Variants in ANKRD55 observed in about 807,000 individuals in gnomAD.
ANKRD55 encodes the protein ankyrin repeat domain-containing protein 55.
ANKRD55 carries 41 observed loss-of-function variants against 60.6 expected under a neutral mutation model. That is an observed-to-expected ratio of 0.68 (90% CI 0.53 to 0.88). The LOEUF (loss-of-function observed/expected upper bound fraction) is 0.88. Among genes scored for constraint, ANKRD55 ranks in the 40% least tolerant of loss-of-function variants. The probability of loss-of-function intolerance (pLI) is 0.00; values close to 1 mark genes in which losing one functional copy is unlikely to be tolerated. For synonymous variants in ANKRD55, 264 were observed against 290.3 expected (o/e 0.91, Z 0.92); for missense variants, 732 against 767.6 (o/e 0.95, Z 0.55).
Position 56,127,127 on chromosome 5 carries a change from A to G in ANKRD55, c.613-21T>C, listed in dbSNP as rs779114836. 26 of 1,588,476 alleles carry G rather than the reference A, an allele frequency of 1.6e-5. No individual in the cohort carries two copies. In the South Asian group the frequency reaches 3.0e-4, roughly 18 times the overall value. On this transcript the variant is annotated intron_variant, in intron 7 of 11. Coordinates refer to ENST00000341048, the MANE Select transcript of ANKRD55 (RefSeq NM_024669.3). ...CCACTCTGGAAAAGAGAGTCAAAGA[A>G]AGCCCATTATGTACAATCCAGTGTT...
chr5:56,202,666 A>T (rs1300020946), intron 2 of ANKRD55, among the ~76,000 whole-genome samples: 1 of 152,218 alleles, frequency 6.6e-6, no homozygotes, highest in African/African-American at 2.4e-5. Context: ...AAAAGAAGAG[A>T]TTTCATTCTG....
At position 56,117,059 on chromosome 5, in the gene ANKRD55, A is replaced by G. The variant is rs114452801; in HGVS notation, c.798-277T>C. 160 of 273,642 alleles carry G rather than the reference A, an allele frequency of 5.8e-4. 2 individuals carry two copies. Among genetic ancestry groups the G allele is most frequent in the African/African-American group, 3.3e-3 (147 of 45,192 alleles). The allele number at this position is 273,642 out of a possible 1,614,324, so 17.0% of individuals were successfully genotyped here. ...AAGTAGTGGGTCAAAGGGTATGAAC[A>G]GTTTTGAGGTTCTTTATACATAGTG... On this transcript the variant is annotated intron_variant, in intron 8 of 11. Coordinates refer to ENST00000341048, the MANE Select transcript of ANKRD55 (RefSeq NM_024669.3).
intron 3 of ANKRD55, among the ~76,000 whole-genome samples, chr5:56,182,337 A>G (rs1758867276): frequency 6.6e-6 from 1 of 152,270 alleles, no homozygotes; most frequent in African/African-American, 2.4e-5. Flanking sequence ...CAAGTTCATT[A>G]CTTCTTTCCT....
At chr5:56,146,287 A>ATT (rs58370601) in intron 6 of ANKRD55, among the ~76,000 whole-genome samples, 23 of 142,790 alleles carry the variant, frequency 1.6e-4, no homozygotes, top group African/African-American at 4.6e-4. Flanking sequence ...TGCTCCACTG[A>ATT]TTTTTTTTTT....
chr5:56,208,405 T>TA (rs201593413), intron 2 of ANKRD55, among the ~76,000 whole-genome samples: 2,530 of 147,322 alleles, frequency 0.017, 66 homozygotes, highest in African/African-American at 0.063. Context: ...TGTGTTTTTT[T>TA]AAAAAAAATA....
At chr5:56,144,046 G>C in intron 6 of ANKRD55, 117 bp from the exon 7 acceptor site, 2 of 1,323,964 alleles carry the variant, frequency 1.5e-6, no homozygotes, top group South Asian at 2.6e-5. Context: ...GTTGTTTCCT[G>C]CTGGTTCATT....
intron 10 of ANKRD55, among the ~76,000 whole-genome samples, chr5:56,109,803 C>T (rs1455446732): frequency 3.3e-5 from 5 of 152,232 alleles, no homozygotes; most frequent in South Asian, 2.1e-4. Context: ...GGGTGGATCA[C>T]GAGGTCAGAT....
chr5:56,101,354 C>T (rs903931467), intron 11 of ANKRD55, among the ~76,000 whole-genome samples: 17 of 152,078 alleles, frequency 1.1e-4, no homozygotes, highest in Non-Finnish European at 7.4e-5. Context: ...AATAGGACAG[C>T]TCCTAAATCG....
chr5:56,204,481 C>T (rs535961109), intron 2 of ANKRD55, among the ~76,000 whole-genome samples: 1 of 152,242 alleles, frequency 6.6e-6, no homozygotes, highest in African/African-American at 2.4e-5. Flanking sequence ...ATTCTTTAAT[C>T]CATCTTGAAT....
intron 8 of ANKRD55, among the ~76,000 whole-genome samples, chr5:56,123,204 G>T (rs771943733): frequency 6.6e-6 from 1 of 152,100 alleles, no homozygotes; most frequent in Non-Finnish European, 1.5e-5. Context: ...GGGCAGAAGG[G>T]CACTTCTGAG....
In ANKRD55 at chr5:56,116,616, T is replaced by C; in HGVS notation, c.964A>G (p.Arg322Gly). 6.4e-7 allele frequency: 1 copy of C among 1,571,770 alleles called. No individual in the cohort carries two copies. The highest frequency in any genetic ancestry group is 2.4e-5 in the East Asian group (1 of 41,690). The change falls in exon 9 of 12, where the codon AGA becomes GGA. Residue 322 changes from arginine (R) to glycine (G), a missense_variant and splice_region_variant. This residue lies in a region of ANKRD55 where 597 missense variants were observed against 607.5 expected (regional missense o/e 0.98). Transcript: ENST00000341048. ...ATAACTGGCTCCTGTTGTACTCACC[T>C]GCTCTCTTGGGAGAGGAGTTTGACA... Reference protein sequence around the residue: ...ACVKLLSQESRTEPTRPPPSQ... With the variant: ...ACVKLLSQESGTEPTRPPPSQ...
intron 2 of ANKRD55, among the ~76,000 whole-genome samples, chr5:56,223,623 G>GA (rs1760027729): frequency 6.6e-6 from 1 of 152,078 alleles, no homozygotes; most frequent in African/African-American, 2.4e-5. Context: ...CACATGCAGA[G>GA]ACACACATAG....
At chr5:56,209,466 CT>C (rs60256412) in intron 2 of ANKRD55, among the ~76,000 whole-genome samples, 11,014 of 132,192 alleles carry the variant, frequency 0.083, 243 homozygotes, top group African/African-American at 0.13. Context: ...ACATGTATAT[CT>C]TTTTTTTTTT....
chr5:56,223,562 T>C (rs1415429835), intron 2 of ANKRD55, among the ~76,000 whole-genome samples: 2 of 152,146 alleles, frequency 1.3e-5, no homozygotes, highest in African/African-American at 2.4e-5. Context: ...GACTGCCAAA[T>C]TGGATAAAGA....
At chr5:56,168,219 G>C (rs998466442) in intron 5 of ANKRD55, among the ~76,000 whole-genome samples, 1 of 152,166 alleles carries the variant, frequency 6.6e-6, no homozygotes, top group Non-Finnish European at 1.5e-5. Flanking sequence ...TTCTCTATAG[G>C]GTAGTCCCTG....
chr5:56,125,784 A>C (rs920372192), intron 8 of ANKRD55: 1 of 152,134 alleles, frequency 6.6e-6, no homozygotes, highest in Non-Finnish European at 1.5e-5. Context: ...AATAATTTTT[A>C]AAAAAAGAAT....
chr5:56,191,240 A>G (rs1472799600), intron 2 of ANKRD55, among the ~76,000 whole-genome samples: 1 of 152,220 alleles, frequency 6.6e-6, no homozygotes, highest in African/African-American at 2.4e-5. Context: ...ATTTCTGTAG[A>G]AAACATCATT....
intron 2 of ANKRD55, among the ~76,000 whole-genome samples, chr5:56,226,318 T>C (rs1271182006): frequency 1.1e-4 from 17 of 152,182 alleles, no homozygotes; most frequent in Non-Finnish European, 8.8e-5. Context: ...TTACACCTTA[T>C]ACAAAAATTA....
In ANKRD55 at chr5:56,209,060, C is replaced by T. The variant is rs150714022; in HGVS notation, c.58+23796G>A. ...GCAGCGTCCACCTCCTGGGTTCAAGCGATTCTCCTGCCTTAGCCTCCTGAG... is the reference window on the plus strand; with the variant it reads ...GCAGCGTCCACCTCCTGGGTTCAAGTGATTCTCCTGCCTTAGCCTCCTGAG... On this transcript the variant is annotated intron_variant, in intron 2 of 11. Transcript: ENST00000341048. 8.4e-4 allele frequency among the ~76,000 whole-genome samples: 128 copies of T among 151,994 alleles called. 3 individuals are homozygous for T. In the Middle Eastern group the frequency reaches 0.02, roughly 24 times the overall value.
Sources: gnomAD v4.1 joint callset for allele counts (sites outside exome capture counted in the v4.1 genomes callset) on GRCh38, gnomAD v4.1.1 for gene constraint, gnomAD v4.1.1 regional missense constraint, MANE v1.5 for transcripts, NCBI Gene and HGNC (gene_info 2026-07-23, HGNC 2026-07-21) for gene names.